CLK3: variants seen among roughly 807,000 people sequenced by gnomAD.
The protein encoded by CLK3 is dual specificity protein kinase CLK3.
A neutral mutation model predicts 65.2 loss-of-function variants in CLK3; 24 were observed. The observed-to-expected ratio is 0.37, with a 90% CI of 0.27 to 0.52. The LOEUF is 0.52. CLK3 is among the 20% of genes least tolerant of loss of function. The probability of loss-of-function intolerance (pLI) is 0.92; values close to 1 mark genes in which losing one functional copy is unlikely to be tolerated. For missense variants in CLK3, 506 were observed against 660.0 expected (o/e 0.77, Z 2.56); for synonymous variants, 252 against 240.8 (o/e 1.05, Z -0.43).
At chr15:74,615,720 C>G (rs1356912577), upstream of CLK3, 7 of 1,238,688 alleles carry the variant, frequency 5.7e-6, no homozygotes, top group South Asian at 7.3e-5. Context: ...GGCTGGTGCC[C>G]CGGAGCCTTC....
chr15:74,622,470 T>C lies in CLK3; in HGVS notation c.467-24T>C, dbSNP rs909108016. ...CAACCCCCTGCCCTCCAGATTCTCA[T>C]GCCCAATTTCTTTTCTCTCCTAGAT... On this transcript the variant is annotated intron_variant, in intron 4 of 12. Coordinates refer to ENST00000395066, the MANE Select transcript of CLK3 (RefSeq NM_001130028.2). This position sits in a 1 kb window ranked among gnomAD's most constrained non-coding sequence, Gnocchi z 4.6. 5.0e-6 allele frequency: 8 copies of C among 1,586,540 alleles called. No individual in the cohort carries two copies. The highest frequency in any genetic ancestry group is 6.9e-6 in the Non-Finnish European group (8 of 1,166,152).
rs2062105062 is a variant in CLK3 at position 74,621,720 on chromosome 15, T to C, written c.370-400T>C. On this transcript the variant is annotated intron_variant, in intron 3 of 12. Coordinates refer to ENST00000395066, the MANE Select transcript of CLK3 (RefSeq NM_001130028.2). This position sits in a 1 kb window ranked among gnomAD's most constrained non-coding sequence, Gnocchi z 4.8. ...TCTTCCGCTCTGGCCCAAAGCCACATGGGAGGGTCTGGGAGGGAGAGACTC... is the reference window on the plus strand; with the variant it reads ...TCTTCCGCTCTGGCCCAAAGCCACACGGGAGGGTCTGGGAGGGAGAGACTC... 2.9e-6 allele frequency: 1 copy of C among 344,706 alleles called. No homozygotes were observed. The highest frequency in any genetic ancestry group is 2.1e-5 in the African/African-American group (1 of 46,530). The allele number at this position is 344,706 out of a possible 1,614,324, so 21.4% of individuals were successfully genotyped here. A position where few individuals can be genotyped will look rare whatever the true frequency, so the allele number is the denominator to read the frequency against.
intron 6 of CLK3, 145 bp from the exon 7 acceptor site, chr15:74,625,657 C>G (rs1410404053): frequency 4.3e-5 from 34 of 786,550 alleles, no homozygotes; most frequent in Non-Finnish European, 6.7e-5. Context: ...TGCTCTTGCT[C>G]TGATTTCTCT....
In CLK3 at chr15:74,627,840, C is replaced by G; in HGVS notation, c.1043-130C>G. On this transcript the variant is annotated intron_variant, in intron 9 of 12. Coordinates refer to ENST00000395066, the MANE Select transcript of CLK3 (RefSeq NM_001130028.2). The surrounding 1 kb of genome is among the most constrained non-coding windows in gnomAD (Gnocchi z 4.3). ...GACTGACCTGGCTTTATCTGTCAGC[C>G]TTACTGAGAGAGGGCCTCGTACTGG... The G allele has an allele frequency of 8.3e-7, 1 of 1,200,130 alleles. No homozygotes were observed. The allele number at this position is 1,200,130 out of a possible 1,614,324, so 74.3% of individuals were successfully genotyped here. A position where few individuals can be genotyped will look rare whatever the true frequency, so the allele number is the denominator to read the frequency against.
intron 11 of CLK3, 89 bp from the exon 12 acceptor site, chr15:74,628,853 G>A: frequency 9.2e-7 from 1 of 1,081,672 alleles, no homozygotes; most frequent in Admixed American, 1.9e-5. Flanking sequence ...TGGTTCTGCT[G>A]CTGTCTTGGG....
Position 74,627,921 on chromosome 15 carries a change from TG to T in CLK3, c.1043-47del. The stretch of plus-strand genomic sequence containing the variant: ...GGTGGCTGCCTTGTGACTTCCAGGC[TG>T]GAAGCATAAGGCCGGATCTCACAGC... On this transcript the variant is annotated intron_variant, in intron 9 of 12. Transcript: ENST00000395066. This position sits in a 1 kb window ranked among gnomAD's most constrained non-coding sequence, Gnocchi z 4.3. 1 of 1,461,910 alleles carries T rather than the reference TG, an allele frequency of 6.8e-7. No homozygotes were observed. Among genetic ancestry groups the T allele is most frequent in the Non-Finnish European group, 9.6e-7 (1 of 1,041,802 alleles). 90.6% of individuals were successfully genotyped at this position (1,461,910 alleles called of 1,614,324 possible).
chr15:74,614,322 TTTA>T (rs1398616826), upstream of CLK3, among the ~76,000 whole-genome samples: 1 of 152,152 alleles, frequency 6.6e-6, no homozygotes, highest in Non-Finnish European at 1.5e-5. Flanking sequence ...CGATTTTTTG[TTTA>T]TTTTTTGAGA....
At chr15:74,615,474 G>A, upstream of CLK3, 1 of 1,315,394 alleles carries the variant, frequency 7.6e-7, no homozygotes, top group Non-Finnish European at 9.7e-7. Context: ...CTCTCCGCGC[G>A]CAGGAGGGAG....
chr15:74,615,993 C>T (rs987228115), intron 1 of CLK3, 95 bp downstream of exon 1: 16 of 949,726 alleles, frequency 1.7e-5, no homozygotes, highest in Non-Finnish European at 2.2e-5. Flanking sequence ...CGGTCTCGGC[C>T]TACTCCCTTT....
rs770000449 is a variant in CLK3 at position 74,627,647 on chromosome 15, C to T, written c.1021C>T (p.Arg341Cys). Residue 341 changes from arginine (R) to cysteine (C), a missense_variant, in exon 9 of 13, where the codon CGC becomes TGC. Arg to Cys is a radical substitution (Grantham distance 180). Transcript: ENST00000395066. This position sits in a 1 kb window ranked among gnomAD's most constrained non-coding sequence, Gnocchi z 4.3. ...CACCATTGTGGCCACCCGTCACTAT[C>T]GCCCGCCTGAGGTGATCCTTGGTGA... ...HTTIVATRHYRPPEVILELGW... is the reference protein window; with the variant it reads ...HTTIVATRHYCPPEVILELGW... The T allele has an allele frequency of 1.9e-6, 3 of 1,613,748 alleles. No individual in the cohort carries two copies. The highest frequency in any genetic ancestry group is 1.3e-5 in the African/African-American group (1 of 74,942).
Position 74,615,868 on chromosome 15 carries a change from G to T in CLK3, c.-31G>T. ...GAAGAGGCGCTCGGAGCGGGGAGTG[G>T]GGCCTAGCTGCAGCCGGAGCCTGGG... On this transcript the variant is annotated 5_prime_UTR_variant, in exon 1 of 13. Transcript: ENST00000395066. The T allele has an allele frequency of 8.0e-7, 1 of 1,255,278 alleles. No homozygotes were observed. The highest frequency in any genetic ancestry group is 1.0e-6 in the Non-Finnish European group (1 of 999,836). The allele number at this position is 1,255,278 out of a possible 1,614,324, so 77.8% of individuals were successfully genotyped here.
At chr15:74,619,048 GTTC>G (rs1004527248) in intron 1 of CLK3, 146 bp from the exon 2 acceptor site, 11 of 857,248 alleles carry the variant, frequency 1.3e-5, no homozygotes, top group African/African-American at 3.4e-5. Flanking sequence ...TGACCTCAGA[GTTC>G]TTCTTCACTT....
At position 74,627,439 on chromosome 15, in the gene CLK3, A is replaced by C. The variant is rs1488738331; in HGVS notation, c.905A>C (p.Glu302Ala). The change falls in exon 8 of 13, where the codon GAG becomes GCG. Residue 302 changes from glutamate to alanine, a missense_variant. Transcript: ENST00000395066. The surrounding 1 kb of genome is among the most constrained non-coding windows in gnomAD (Gnocchi z 4.3). Reference sequence around the variant, plus strand: ...TCTGAGTTTGAAACCCTCTACAATGAGCACAAGGTATTGGTGGGGGTAAGG... The same window carrying C: ...TCTGAGTTTGAAACCCTCTACAATGCGCACAAGGTATTGGTGGGGGTAAGG... ...VNSEFETLYN[E>A]HKSCEEKSVK... 6.2e-7 allele frequency: 1 copy of C among 1,614,000 alleles called. No individual in the cohort carries two copies. Among genetic ancestry groups the C allele is most frequent in the African/African-American group, 1.3e-5 (1 of 74,936 alleles).
At chr15:74,629,075 G>A in intron 12 of CLK3, 43 bp downstream of exon 12, 1 of 1,425,492 alleles carries the variant, frequency 7.0e-7, no homozygotes, top group Non-Finnish European at 9.9e-7. Flanking sequence ...GCCAAGGAGA[G>A]ACCCCAGGCA....
upstream of CLK3, chr15:74,615,659 G>C (rs2062048643): frequency 8.0e-7 from 1 of 1,246,894 alleles, no homozygotes; most frequent in South Asian, 3.3e-5. Context: ...TCGTCCCCTC[G>C]GCCCTCCCGG....
upstream of CLK3, among the ~76,000 whole-genome samples, chr15:74,611,704 G>A (rs2061992418): frequency 6.6e-6 from 1 of 152,242 alleles, no homozygotes; most frequent in Admixed American, 6.5e-5. Flanking sequence ...GGGGCTTGGT[G>A]GGCAGACACG....
chr15:74,628,208 G>A (rs1345430731), intron 10 of CLK3, among the ~76,000 whole-genome samples, 156 bp downstream of exon 10: 1 of 152,188 alleles, frequency 6.6e-6, no homozygotes, highest in Non-Finnish European at 1.5e-5. Context: ...GGATGTAGAT[G>A]CTAAAGGGAA....
At chr15:74,617,332 C>T (rs1176778630) in intron 1 of CLK3, among the ~76,000 whole-genome samples, 2 of 152,358 alleles carry the variant, frequency 1.3e-5, no homozygotes, top group African/African-American at 2.4e-5. Flanking sequence ...AGGCATTTAA[C>T]ACAGCCCTGA....
In CLK3 at chr15:74,627,613, G is replaced by GCAC; in HGVS notation, c.991_993dup (p.His331dup). ...TTGGCAGTGCCACATTTGACCATGAGCACCACACCACCATTGTGGCCACCC... is the reference window on the plus strand; with the variant it reads ...TTGGCAGTGCCACATTTGACCATGAGCACCACCACACCACCATTGTGGCCACCC... On this transcript the variant is annotated inframe_insertion, in exon 9 of 13. Transcript: ENST00000395066. This position sits in a 1 kb window ranked among gnomAD's most constrained non-coding sequence, Gnocchi z 4.3. 6.2e-7 allele frequency: 1 copy of GCAC among 1,614,134 alleles called. No individual in the cohort carries two copies. Among genetic ancestry groups the GCAC allele is most frequent in the Non-Finnish European group, 8.5e-7 (1 of 1,180,034 alleles).
Sources: gnomAD v4.1 joint callset for allele counts (sites outside exome capture counted in the v4.1 genomes callset) on GRCh38, gnomAD v4.1.1 for gene constraint, Gnocchi (gnomAD v3.1) non-coding constraint, MANE v1.5 for transcripts, NCBI Gene and HGNC (gene_info 2026-07-23, HGNC 2026-07-21) for gene names.